The following DAB2IP variants were observed in gnomAD, a reference collection of about 807,000 sequenced individuals.
DAB2IP encodes DAB2 interacting protein.
Under a neutral mutation model 107.2 loss-of-function variants are expected in DAB2IP, and 28 were observed. That is an observed-to-expected ratio of 0.26 (90% CI 0.19 to 0.36). The LOEUF is 0.36. DAB2IP is among the 10% of genes least tolerant of loss of function. The pLI, the probability that DAB2IP is intolerant of heterozygous loss-of-function variation, is 1.00. For synonymous variants in DAB2IP, 755 were observed against 706.4 expected, an observed-to-expected ratio of 1.07 and a Z score of -1.09; for missense variants, 1,400 against 1,644.7, an observed-to-expected ratio of 0.85 and a Z score of 2.57.
At chr9:121,637,754 C>G (rs1832140600) in intron 1 of DAB2IP, among the ~76,000 whole-genome samples, 1 of 152,180 alleles carries the variant, frequency 6.6e-6, no homozygotes, top group Non-Finnish European at 1.5e-5. Context: ...TATTAAATGG[C>G]AGAGAGGCCG....
chr9:121,748,567 C>T (rs1047739840), intron 3 of DAB2IP, among the ~76,000 whole-genome samples: 1 of 152,206 alleles, frequency 6.6e-6, no homozygotes, highest in Non-Finnish European at 1.5e-5. Flanking sequence ...CTTGAATACC[C>T]ACTCTCCCTT....
chr9:121,689,749 G>A (rs938377493), intron 2 of DAB2IP, among the ~76,000 whole-genome samples: 17 of 152,160 alleles, frequency 1.1e-4, no homozygotes, highest in African/African-American at 2.9e-4. Flanking sequence ...ATTTGTCCCC[G>A]GGAGACTCCC....
chr9:121,747,195 C>G (rs2118918486), intron 3 of DAB2IP, among the ~76,000 whole-genome samples: 1 of 152,226 alleles, frequency 6.6e-6, no homozygotes, highest in Non-Finnish European at 1.5e-5. Context: ...TTCTGAGCAG[C>G]CAGGCTAAGC....
chr9:121,771,842 C>T (rs938446112), intron 11 of DAB2IP, among the ~76,000 whole-genome samples: 2 of 152,112 alleles, frequency 1.3e-5, no homozygotes, highest in Non-Finnish European at 2.9e-5. Context: ...CAAGCCATAT[C>T]AAGCCCCCCA....
Position 121,699,595 on chromosome 9 carries a change from T to G in DAB2IP, c.362+137T>G. 1.3e-6 allele frequency: 1 copy of G among 771,976 alleles called. No individual in the cohort carries two copies. The highest frequency in any genetic ancestry group is 1.7e-6 in the Non-Finnish European group (1 of 601,404). 47.8% of individuals were successfully genotyped at this position (771,976 alleles called of 1,614,324 possible). ...GGACCCCACGCCGCCCGCCGGGAAC[T>G]TATGGGGCCACCTCGGCCGGACTAG... On this transcript the variant is annotated intron_variant, in intron 3 of 15. Coordinates refer to ENST00000408936, the Ensembl canonical transcript of DAB2IP. This position sits in a 1 kb window ranked among gnomAD's most constrained non-coding sequence, Gnocchi z 6.2.
At chr9:121,693,639 T>C (rs1444433708) in intron 2 of DAB2IP, among the ~76,000 whole-genome samples, 1 of 152,218 alleles carries the variant, frequency 6.6e-6, no homozygotes, top group Admixed American at 6.5e-5. Context: ...TCCTGAGTAC[T>C]GTCTTGGGGT....
At chr9:121,642,031 CTTTCTT>C (rs1484037445) in intron 1 of DAB2IP, among the ~76,000 whole-genome samples, 13 of 20,100 alleles carry the variant, frequency 6.5e-4, no homozygotes, top group South Asian at 3.5e-3. Flanking sequence ...CTCTCTCTCT[CTTTCTT>C]TCTTTCTTTC....
At chr9:121,642,082 T>C (rs563067988) in intron 1 of DAB2IP, among the ~76,000 whole-genome samples, 3 of 136,992 alleles carry the variant, frequency 2.2e-5, no homozygotes, top group South Asian at 2.4e-4. Flanking sequence ...TTTCTTTCTT[T>C]CTCACTTTCT....
At chr9:121,730,305 A>G (rs938514217) in intron 3 of DAB2IP, among the ~76,000 whole-genome samples, 2 of 152,254 alleles carry the variant, frequency 1.3e-5, no homozygotes, top group Non-Finnish European at 2.9e-5. Context: ...TCTCGAAGAC[A>G]GAACAGAACT....
rs539953743 is a variant in DAB2IP at position 121,751,160 on chromosome 9, CT to C, written c.363-5850del. ...TCCCTGCTGCCCGGCTGCTGTGGAC[CT>C]TTCCCCCTGCCCGGCTGCTATGGAC... On this transcript the variant is annotated intron_variant, in intron 3 of 15. Transcript: ENST00000408936. The C allele has an allele frequency of 1.3e-4, 24 of 185,028 alleles. No homozygotes were observed. The South Asian group carries it at 1.6e-3, about 13-fold the overall frequency. The allele number at this position is 185,028 out of a possible 1,614,324, so 11.5% of individuals were successfully genotyped here.
At chr9:121,588,589 G>A (rs185917079) in intron 1 of DAB2IP, among the ~76,000 whole-genome samples, 1 of 112,004 alleles carries the variant, frequency 8.9e-6, no homozygotes, top group African/African-American at 3.8e-5. Flanking sequence ...GGGAAGGGAA[G>A]GGGGAAGGGG....
At chr9:121,741,324 C>T (rs929666842) in intron 3 of DAB2IP, among the ~76,000 whole-genome samples, 3 of 152,008 alleles carry the variant, frequency 2.0e-5, no homozygotes, top group Non-Finnish European at 4.4e-5. Context: ...TGAGCTCAGC[C>T]GGATCACATG....
At chr9:121,781,413 C>G in intron 14 of DAB2IP, 51 bp from the exon 15 acceptor site, 1 of 1,582,850 alleles carries the variant, frequency 6.3e-7, no homozygotes, top group Non-Finnish European at 8.7e-7. Context: ...ACACCCTCCC[C>G]ACCTCTGCTG....
chr9:121,782,397 G>GA lies in DAB2IP; in HGVS notation c.3470dup (p.Arg1158GlufsTer8), dbSNP rs1295225182. On this transcript the variant is annotated frameshift_variant, in exon 16 of 16. Coordinates refer to ENST00000408936, the Ensembl canonical transcript of DAB2IP. LOFTEE classifies it high-confidence loss of function. The surrounding 1 kb of genome is among the most constrained non-coding windows in gnomAD (Gnocchi z 6.1). ...CATGAGTGCCCTGACCCAGCTGAAA[G>GA]AGAGGTACAGCATGCAAGCCCGTAA... The GA allele has an allele frequency of 1.9e-6, 3 of 1,613,996 alleles. No homozygotes were observed. Among genetic ancestry groups the GA allele is most frequent in the Non-Finnish European group, 2.5e-6 (3 of 1,179,986 alleles).
At chr9:121,769,226 G>A (rs1188185997) in intron 10 of DAB2IP, among the ~76,000 whole-genome samples, 1 of 152,140 alleles carries the variant, frequency 6.6e-6, no homozygotes, top group Non-Finnish European at 1.5e-5. Context: ...GGGCTCCAAG[G>A]GACCACCTTA....
At chr9:121,674,035 C>T (rs1457218089) in intron 1 of DAB2IP, among the ~76,000 whole-genome samples, 1 of 152,216 alleles carries the variant, frequency 6.6e-6, no homozygotes, top group Non-Finnish European at 1.5e-5. Context: ...GCCTCGGGAA[C>T]CACGGGGCAG....
At chr9:121,651,558 C>T, upstream of DAB2IP, 1 of 718,428 alleles carries the variant, frequency 1.4e-6, no homozygotes, top group Non-Finnish European at 1.7e-6. The surrounding 1 kb of genome is among the most constrained non-coding windows in gnomAD (Gnocchi z 5.1). Flanking sequence ...GCCCGGCCTC[C>T]GGGTCCCCAG....
upstream of DAB2IP, among the ~76,000 whole-genome samples, chr9:121,648,757 C>A (rs1260350739): frequency 1.3e-5 from 2 of 152,118 alleles, no homozygotes; most frequent in African/African-American, 2.4e-5. Context: ...ATTCAGGAGC[C>A]CCTCTGGAGG....
intron 1 of DAB2IP, among the ~76,000 whole-genome samples, chr9:121,627,348 A>C (rs1023357900): frequency 1.3e-5 from 2 of 150,876 alleles, no homozygotes; most frequent in Non-Finnish European, 2.9e-5. Flanking sequence ...GCCCCCTGTG[A>C]TGGACACAGA....
Sources: allele counts gnomAD v4.1 joint callset (sites outside exome capture counted in the v4.1 genomes callset), GRCh38; gene constraint gnomAD v4.1.1; non-coding constraint Gnocchi (gnomAD v3.1); transcripts MANE v1.5; gene names NCBI Gene and HGNC (gene_info 2026-07-23, HGNC 2026-07-21).